GRAMD1B: variants seen among roughly 807,000 people sequenced by gnomAD.
The protein encoded by GRAMD1B is GRAM domain containing 1B, also known as protein Aster-B.
A neutral mutation model predicts 99.7 loss-of-function variants in GRAMD1B; 37 were observed. That is an observed-to-expected ratio of 0.37 (90% CI 0.29 to 0.49). The LOEUF (loss-of-function observed/expected upper bound fraction) is 0.49. GRAMD1B is among the 20% of genes least tolerant of loss of function. The pLI, the probability that GRAMD1B is intolerant of heterozygous loss-of-function variation, is 0.98. For synonymous variants in GRAMD1B, 427 were observed against 387.6 expected (o/e 1.10, Z -1.19); for missense variants, 888 against 1,009.2 (o/e 0.88, Z 1.63).
chr11:123,455,496 A>T (rs1950074654), intron 1 of GRAMD1B, among the ~76,000 whole-genome samples: 1 of 152,100 alleles, frequency 6.6e-6, no homozygotes, highest in Non-Finnish European at 1.5e-5. Context: ...TTCTGATGAT[A>T]TGCATTCCAC....
intron 18 of GRAMD1B, 65 bp downstream of exon 18, chr11:123,618,865 C>CAAGGAGACTGGG: frequency 1.2e-6 from 1 of 856,676 alleles, no homozygotes; most frequent in Non-Finnish European, 1.9e-6. Context: ...ACCTGTCTCC[C>CAAGGAGACTGGG]AGTCTCCTTG....
At chr11:123,613,424 G>C in intron 15 of GRAMD1B, 31 bp from the exon 16 acceptor site, 1 of 1,496,758 alleles carries the variant, frequency 6.7e-7, no homozygotes, top group South Asian at 1.2e-5. Context: ...GCTGAAGGTG[G>C]CCTCTCCTGT....
At chr11:123,374,533 G>A (rs920233311) in intron 1 of GRAMD1B, among the ~76,000 whole-genome samples, 3 of 152,170 alleles carry the variant, frequency 2.0e-5, no homozygotes, top group Non-Finnish European at 4.4e-5. Context: ...TGCAGGAAGG[G>A]CAAGTTAAAA....
chr11:123,573,882 C>A (rs1294377622), intron 2 of GRAMD1B, among the ~76,000 whole-genome samples: 1 of 152,034 alleles, frequency 6.6e-6, no homozygotes, highest in African/African-American at 2.4e-5. Context: ...GGATTCAGTT[C>A]AGCGGAAAAC....
chr11:123,559,558 C>A, intron 2 of GRAMD1B: 1 of 362,140 alleles, frequency 2.8e-6, no homozygotes, highest in Non-Finnish European at 3.8e-6. Flanking sequence ...ATACCTCGCA[C>A]TGCCAGAACT....
At chr11:123,478,605 G>T (rs1951424545) in intron 1 of GRAMD1B, among the ~76,000 whole-genome samples, 1 of 152,150 alleles carries the variant, frequency 6.6e-6, no homozygotes, top group East Asian at 1.9e-4. Context: ...GGGTAAACTT[G>T]CAAATATCAG....
chr11:123,483,703 C>G (rs1009722097), intron 2 of GRAMD1B, among the ~76,000 whole-genome samples: 1 of 152,132 alleles, frequency 6.6e-6, no homozygotes, highest in Non-Finnish European at 1.5e-5. Flanking sequence ...TCTGACCACA[C>G]TTGACTGTGG....
chr11:123,502,707 G>A (rs1047669816), intron 2 of GRAMD1B, among the ~76,000 whole-genome samples: 14 of 151,082 alleles, frequency 9.3e-5, no homozygotes, highest in South Asian at 4.2e-4. Flanking sequence ...CCCGGGAGGC[G>A]GAGGTTGCAG....
chr11:123,496,643 CTTTT>C (rs898783697), intron 2 of GRAMD1B, among the ~76,000 whole-genome samples: 1 of 151,096 alleles, frequency 6.6e-6, no homozygotes, highest in Non-Finnish European at 1.5e-5. Flanking sequence ...GTTTTTTATT[CTTTT>C]GTCGCCTCTA....
Position 123,622,767 on chromosome 11 carries a change from G to A in GRAMD1B, c.*172G>A, listed in dbSNP as rs553669140. On this transcript the variant is annotated 3_prime_UTR_variant, in exon 20 of 20. Coordinates refer to ENST00000635736, the MANE Select transcript of GRAMD1B (RefSeq NM_001387025.1). ...AGGGAGAAGGAGCGGGCCCTCCCGC[G>A]CCCTGTGCTGGCCGGAGCAGCGTTT... The A allele has an allele frequency of 4.3e-4, 83 of 195,094 alleles. 1 individual carries two copies. The South Asian group carries it at 0.014, about 32-fold the overall frequency. 12.1% of individuals were successfully genotyped at this position (195,094 alleles called of 1,614,324 possible).
chr11:123,596,928 C>T (rs1243143934), intron 7 of GRAMD1B, among the ~76,000 whole-genome samples: 1 of 152,140 alleles, frequency 6.6e-6, no homozygotes, highest in Non-Finnish European at 1.5e-5. Flanking sequence ...CTGCTCAACT[C>T]TACCCAACTC....
intron 1 of GRAMD1B, among the ~76,000 whole-genome samples, chr11:123,404,682 C>G (rs1388431058): frequency 6.6e-6 from 1 of 152,164 alleles, no homozygotes; most frequent in East Asian, 1.9e-4. Flanking sequence ...ACTCTAGTGT[C>G]AAAAATCATT....
chr11:123,584,545 G>A (rs1035163317), intron 4 of GRAMD1B, among the ~76,000 whole-genome samples: 3 of 151,944 alleles, frequency 2.0e-5, no homozygotes, highest in African/African-American at 4.8e-5. Context: ...CCAAGGAGGC[G>A]TGGCCAGCTG....
In GRAMD1B at chr11:123,622,602, A is replaced by C; in HGVS notation, c.*7A>C. 1.3e-6 allele frequency: 2 copies of C among 1,510,196 alleles called. No individual in the cohort carries two copies. The highest frequency in any genetic ancestry group is 1.8e-6 in the Non-Finnish European group (2 of 1,110,150). The allele number at this position is 1,510,196 out of a possible 1,614,324, so 93.5% of individuals were successfully genotyped here. A position where few individuals can be genotyped will look rare whatever the true frequency, so the allele number is the denominator to read the frequency against. On this transcript the variant is annotated 3_prime_UTR_variant, in exon 20 of 20. Transcript: ENST00000635736. Reference sequence around the variant, plus strand: ...GAGGAATCGCTATCATTGACAAGGCAGGAACAGGGTGGCTGCAAGAGGCCT... The same window carrying C: ...GAGGAATCGCTATCATTGACAAGGCCGGAACAGGGTGGCTGCAAGAGGCCT...
intron 2 of GRAMD1B, among the ~76,000 whole-genome samples, chr11:123,542,801 T>C (rs1240838231): frequency 6.6e-6 from 1 of 152,144 alleles, no homozygotes; most frequent in East Asian, 1.9e-4. Flanking sequence ...TACAGGTGCG[T>C]GCCACCATGC....
At chr11:123,463,553 T>TAAC (rs1950534040) in intron 1 of GRAMD1B, among the ~76,000 whole-genome samples, 1 of 152,256 alleles carries the variant, frequency 6.6e-6, no homozygotes, top group Admixed American at 6.5e-5. Flanking sequence ...CAACAGGTTC[T>TAAC]CTCCACCACA....
chr11:123,615,407 C>T (rs375033640), intron 17 of GRAMD1B, among the ~76,000 whole-genome samples: 1 of 152,242 alleles, frequency 6.6e-6, no homozygotes, highest in Non-Finnish European at 1.5e-5. Context: ...GCTATGCTGG[C>T]TGGGCATGGT....
At chr11:123,360,782 TC>T (rs1946116906) in intron 1 of GRAMD1B, among the ~76,000 whole-genome samples, 1 of 84,434 alleles carries the variant, frequency 1.2e-5, no homozygotes, top group Non-Finnish European at 2.2e-5. Context: ...CTTCCTTCCT[TC>T]CTTCCTTCCT....
chr11:123,366,799 A>G (rs190958959), intron 1 of GRAMD1B, among the ~76,000 whole-genome samples: 15 of 152,258 alleles, frequency 9.9e-5, no homozygotes, highest in Admixed American at 2.0e-4. Flanking sequence ...CTCTCTACCA[A>G]TTGTAGACAG....
Sources: allele counts gnomAD v4.1 joint callset (sites outside exome capture counted in the v4.1 genomes callset), GRCh38; gene constraint gnomAD v4.1.1; transcripts MANE v1.5; gene names NCBI Gene and HGNC (gene_info 2026-07-23, HGNC 2026-07-21).